The following HSPE1 variants were observed in gnomAD, a reference collection of about 807,000 sequenced individuals.
HSPE1 encodes the protein 10 kDa heat shock protein, mitochondrial.
A neutral mutation model predicts 13.2 loss-of-function variants in HSPE1; 1 was observed. The observed-to-expected ratio is 0.08, with a 90% CI of 0.03 to 0.36. The LOEUF (loss-of-function observed/expected upper bound fraction) is 0.36. HSPE1 is among the 10% of genes least tolerant of loss of function. HSPE1 has a pLI of 0.99. For missense variants in HSPE1, 73 were observed against 118.7 expected, an observed-to-expected ratio of 0.62 and a Z score of 1.79; for synonymous variants, 44 against 42.0, an observed-to-expected ratio of 1.05 and a Z score of -0.19.
intron 1 of HSPE1, 118 bp downstream of exon 1, chr2:197,500,557 A>C (rs535071403): frequency 8.9e-6 from 13 of 1,458,896 alleles, no homozygotes; most frequent in Non-Finnish European, 1.2e-5. Context: ...CTCAGTGACC[A>C]GCGCCCGATG....
chr2:197,501,437 C>T, intron 2 of HSPE1, 199 bp downstream of exon 2: 2 of 587,270 alleles, frequency 3.4e-6, no homozygotes, highest in South Asian at 5.3e-5. Context: ...TGCTATGATG[C>T]TTATTTTATG....
intron 1 of HSPE1, 146 bp downstream of exon 1, chr2:197,500,585 G>A (rs1033716150): frequency 1.4e-5 from 18 of 1,263,134 alleles, no homozygotes; most frequent in Non-Finnish European, 1.9e-5. Flanking sequence ...GGAGCGGCAA[G>A]GCCCGCCCGA....
At chr2:197,501,040 T>C (rs1433985652) in intron 1 of HSPE1, 34 bp from the exon 2 acceptor site, 1 of 1,607,046 alleles carries the variant, frequency 6.2e-7, no homozygotes, top group Non-Finnish European at 8.5e-7. Flanking sequence ...TGATTACATT[T>C]AGTTTTTGTT....
intron 2 of HSPE1, among the ~76,000 whole-genome samples, chr2:197,502,602 T>C (rs1391128523): frequency 6.6e-6 from 1 of 152,192 alleles, no homozygotes; most frequent in Non-Finnish European, 1.5e-5. Flanking sequence ...AAGAGTATGT[T>C]CTAAATCCAA....
chr2:197,502,843 A>T (rs2086273316), intron 2 of HSPE1, among the ~76,000 whole-genome samples, 196 bp from the exon 3 acceptor site: 1 of 152,210 alleles, frequency 6.6e-6, no homozygotes, highest in Non-Finnish European at 1.5e-5. Flanking sequence ...GTATTATTTC[A>T]AAGTGTAACT....
In HSPE1 at chr2:197,503,111, G is replaced by A; in HGVS notation, c.241G>A (p.Val81Ile). ...TCTCCCAGAATATGGAGGCACCAAA[G>A]TAGTTCTAGATGACAAGGTGTGTAA... is the stretch of plus-strand genomic sequence containing the variant. ...VLLPEYGGTK[V>I]VLDDKDYFLF... is the part of the protein sequence containing the mutation. The change falls in exon 3 of 4, where the codon GTA becomes ATA. Residue 81 changes from valine to isoleucine, a missense_variant. By Grantham distance (29) the Val-to-Ile change is conservative. Coordinates refer to ENST00000233893, the MANE Select transcript of HSPE1 (RefSeq NM_002157.3). 6.2e-7 allele frequency: 1 copy of A among 1,605,616 alleles called. No individual in the cohort carries two copies. Among genetic ancestry groups the A allele is most frequent in the Middle Eastern group, 1.7e-4 (1 of 6,050 alleles).
chr2:197,503,149 T>C (rs531256994), intron 3 of HSPE1, 21 bp downstream of exon 3: 3 of 1,583,224 alleles, frequency 1.9e-6, no homozygotes, highest in Non-Finnish European at 2.6e-6. Context: ...TTAATAATTC[T>C]AAAAAGAAGT....
chr2:197,501,334 T>G (rs1025319540), intron 2 of HSPE1, 96 bp downstream of exon 2: 1 of 1,356,684 alleles, frequency 7.4e-7, no homozygotes, highest in African/African-American at 1.5e-5. Context: ...TAAGTAGAGT[T>G]TATGTCGTTT....
intron 2 of HSPE1, among the ~76,000 whole-genome samples, chr2:197,502,801 C>T (rs556077789): frequency 3.3e-5 from 5 of 152,110 alleles, no homozygotes; most frequent in Admixed American, 2.6e-4. Context: ...TGAACTTTTA[C>T]GTTGGAGTCA....
chr2:197,500,981 C>T, intron 1 of HSPE1, 93 bp from the exon 2 acceptor site: 1 of 1,460,098 alleles, frequency 6.8e-7, no homozygotes, highest in Non-Finnish European at 9.3e-7. Context: ...ACTTTCAAAG[C>T]CAAAACGTGT....
Position 197,501,311 on chromosome 2 carries a change from A to G in HSPE1, c.168+73A>G, listed in dbSNP as rs1574608631. ...GGAAAAGAAGTAATTCTGGAGTATT[A>G]AAAGTCGCTTATTAAGTAGAGTTTA... On this transcript the variant is annotated intron_variant, in intron 2 of 3. Coordinates refer to ENST00000233893, the MANE Select transcript of HSPE1 (RefSeq NM_002157.3). The G allele has an allele frequency of 6.8e-6, 10 of 1,469,494 alleles. No individual in the cohort carries two copies. In the East Asian group the frequency reaches 2.5e-4, roughly 36 times the overall value. 91.0% of individuals were successfully genotyped at this position (1,469,494 alleles called of 1,614,324 possible).
Position 197,500,401 on chromosome 2 carries a change from A to T in HSPE1, c.-36A>T. The T allele has an allele frequency of 6.3e-7, 1 of 1,597,306 alleles. No homozygotes were observed. Among genetic ancestry groups the T allele is most frequent in the South Asian group, 1.1e-5 (1 of 88,290 alleles). ...ACTGCGAGTCTCTTTGCGGCGCTACACTAGAGCAGAGTACGAGTCTGAGGC... is the reference window on the plus strand; with the variant it reads ...ACTGCGAGTCTCTTTGCGGCGCTACTCTAGAGCAGAGTACGAGTCTGAGGC... On this transcript the variant is annotated 5_prime_UTR_variant, in exon 1 of 4. Transcript: ENST00000233893.
At chr2:197,501,623 T>A (rs951094670) in intron 2 of HSPE1, 1 of 154,536 alleles carries the variant, frequency 6.5e-6, no homozygotes, top group African/African-American at 2.4e-5. Context: ...ATTAGCCGGG[T>A]GTGGTGGCAT....
chr2:197,502,523 T>C (rs1187959777), intron 2 of HSPE1, among the ~76,000 whole-genome samples: 1 of 152,196 alleles, frequency 6.6e-6, no homozygotes, highest in Non-Finnish European at 1.5e-5. Context: ...TAGGAAGACT[T>C]TGGGGAGTGG....
chr2:197,501,761 C>G (rs992580134), intron 2 of HSPE1, among the ~76,000 whole-genome samples: 1 of 109,684 alleles, frequency 9.1e-6, no homozygotes, highest in Non-Finnish European at 1.8e-5. Context: ...GGGCGAGATT[C>G]TGTCTCAAAA....
chr2:197,500,508 C>T (rs2086237258), intron 1 of HSPE1, 69 bp downstream of exon 1: 3 of 1,550,466 alleles, frequency 1.9e-6, no homozygotes, highest in African/African-American at 2.7e-5. Context: ...TCCCTGACGC[C>T]CCTCTTTTGT....
intron 2 of HSPE1, among the ~76,000 whole-genome samples, chr2:197,502,387 C>T (rs959159414): frequency 6.6e-6 from 1 of 152,160 alleles, no homozygotes; most frequent in Non-Finnish European, 1.5e-5. Flanking sequence ...GTTTAGGCCT[C>T]GGGCTTCTAA....
chr2:197,503,167 T>G (rs772594093), intron 3 of HSPE1, 39 bp downstream of exon 3: 2 of 1,570,942 alleles, frequency 1.3e-6, no homozygotes, highest in South Asian at 2.2e-5. Flanking sequence ...AGTCAGATAT[T>G]TGCAATTAGT....
intron 2 of HSPE1, among the ~76,000 whole-genome samples, chr2:197,501,922 T>A (rs559289954): frequency 6.6e-6 from 1 of 152,116 alleles, no homozygotes. Context: ...AGCAGGAGGA[T>A]CGTTTGAGCT....
Sources: gnomAD v4.1 joint callset for allele counts (sites outside exome capture counted in the v4.1 genomes callset) on GRCh38, gnomAD v4.1.1 for gene constraint, MANE v1.5 for transcripts, NCBI Gene and HGNC (gene_info 2026-07-23, HGNC 2026-07-21) for gene names.